The following CSMD1 variants were observed in gnomAD, a reference collection of about 807,000 sequenced individuals.
CSMD1 encodes the protein CUB and Sushi multiple domains 1, also known as CUB and sushi domain-containing protein 1.
In CSMD1, 213 loss-of-function variants were observed where a neutral mutation model predicts 417.5. The observed-to-expected ratio is 0.51, with a 90% CI of 0.46 to 0.57. The LOEUF (loss-of-function observed/expected upper bound fraction) is 0.57. Ranked by LOEUF, CSMD1 falls within the 20% of genes least tolerant of loss-of-function variation. The pLI is 0.00. For missense variants in CSMD1, 6,923 were observed against 4,529.7 expected, an observed-to-expected ratio of 1.53 and a Z score of -15.17; for synonymous variants, 2,862 against 1,736.8, an observed-to-expected ratio of 1.65 and a Z score of -16.11.
At chr8:4,625,865 A>G (rs1304780171) in intron 2 of CSMD1, among the ~76,000 whole-genome samples, 3 of 152,066 alleles carry the variant, frequency 2.0e-5, no homozygotes, top group African/African-American at 7.2e-5. Flanking sequence ...CAGGGACTAC[A>G]GGTACACACC....
intron 12 of CSMD1, among the ~76,000 whole-genome samples, chr8:3,448,673 T>C (rs1815492408): frequency 6.6e-6 from 1 of 152,066 alleles, no homozygotes; most frequent in African/African-American, 2.4e-5. Flanking sequence ...CAAGTGGGCA[T>C]GACCCATGAC....
chr8:4,215,173 G>A (rs1800566730), intron 3 of CSMD1, among the ~76,000 whole-genome samples: 1 of 152,178 alleles, frequency 6.6e-6, no homozygotes, highest in Admixed American at 6.5e-5. Flanking sequence ...GGGCTGATAG[G>A]GACCTTGTGT....
At chr8:4,844,760 T>C (rs7829048) in intron 1 of CSMD1, among the ~76,000 whole-genome samples, 35,729 of 152,152 alleles carry the variant, frequency 0.23, 5,337 homozygotes, top group African/African-American at 0.43. Flanking sequence ...AGTGATAAGC[T>C]TAATTAATTC....
intron 3 of CSMD1, among the ~76,000 whole-genome samples, chr8:4,181,279 T>C (rs1015210970): frequency 7.2e-5 from 11 of 152,208 alleles, no homozygotes; most frequent in African/African-American, 2.7e-4. Flanking sequence ...CATCTGAATT[T>C]GATATTTATT....
chr8:3,096,880 T>C lies in CSMD1; in HGVS notation c.7107A>G (p.Glu2369=), dbSNP rs773897066. ...ITIFVDTFQS[E]KQFDALEVFD... ...ACACTTCCAGTGCATCAAACTGCTT[T>C]TCACTTTGAAATGTGTCCACAAAGA... Residue 2369 remains glutamate (E), a synonymous_variant, in exon 47 of 70, where the codon GAA becomes GAG. Transcript: ENST00000635120. 1.3e-6 allele frequency: 2 copies of C among 1,556,854 alleles called. No individual in the cohort carries two copies. The highest frequency in any genetic ancestry group is 1.7e-6 in the Non-Finnish European group (2 of 1,149,052).
intron 2 of CSMD1, among the ~76,000 whole-genome samples, chr8:4,553,897 C>CA (rs1209315962): frequency 1.3e-5 from 2 of 150,876 alleles, no homozygotes; most frequent in East Asian, 1.9e-4. Context: ...AAAACAAGCA[C>CA]AAAAAATCTG....
intron 8 of CSMD1, among the ~76,000 whole-genome samples, chr8:3,599,560 T>C (rs1444565305): frequency 1.3e-5 from 2 of 152,244 alleles, no homozygotes; most frequent in African/African-American, 2.4e-5. Flanking sequence ...ACAGCATTGC[T>C]AACCACAACA....
intron 3 of CSMD1, among the ~76,000 whole-genome samples, chr8:4,373,125 A>C (rs984880555): frequency 1.3e-5 from 2 of 152,156 alleles, no homozygotes; most frequent in African/African-American, 2.4e-5. Flanking sequence ...CATCATGAGA[A>C]AAACATCAGA....
chr8:4,124,969 T>C (rs958396961), intron 3 of CSMD1, among the ~76,000 whole-genome samples: 2 of 152,066 alleles, frequency 1.3e-5, no homozygotes, highest in Non-Finnish European at 2.9e-5. Flanking sequence ...TCTTGGAAGT[T>C]TTACTGTCGC....
chr8:4,452,249 C>T (rs920522938), intron 2 of CSMD1, among the ~76,000 whole-genome samples: 5 of 152,150 alleles, frequency 3.3e-5, no homozygotes, highest in South Asian at 2.1e-4. Context: ...CCAAACTGAA[C>T]GCCTCAGCTC....
intron 28 of CSMD1, among the ~76,000 whole-genome samples, chr8:3,220,546 A>G (rs1798146405): frequency 6.6e-6 from 1 of 152,180 alleles, no homozygotes; most frequent in South Asian, 2.1e-4. Flanking sequence ...AAAACCATCC[A>G]TTGCAGCAGA....
chr8:4,772,113 G>A (rs540198302), intron 1 of CSMD1, among the ~76,000 whole-genome samples: 78 of 152,290 alleles, frequency 5.1e-4, no homozygotes, highest in African/African-American at 1.8e-3. Flanking sequence ...GGCTTCCAGG[G>A]TCATTTGGGT....
At chr8:4,332,708 G>T (rs1178980699) in intron 3 of CSMD1, among the ~76,000 whole-genome samples, 4 of 151,828 alleles carry the variant, frequency 2.6e-5, no homozygotes, top group African/African-American at 9.7e-5. Flanking sequence ...ACATGAAAAA[G>T]TATTAAGTAC....
At chr8:4,837,289 C>T (rs930470697) in intron 1 of CSMD1, among the ~76,000 whole-genome samples, 5 of 152,178 alleles carry the variant, frequency 3.3e-5, no homozygotes, top group Non-Finnish European at 5.9e-5. Context: ...AAGAGATAAT[C>T]TGCACTTCTA....
chr8:4,946,125 G>A (rs539891316), intron 1 of CSMD1, among the ~76,000 whole-genome samples: 3 of 152,114 alleles, frequency 2.0e-5, no homozygotes, highest in East Asian at 3.9e-4. Flanking sequence ...GAGTCCAATC[G>A]GGTTACAGGG....
At chr8:4,268,686 A>G (rs758642656) in intron 3 of CSMD1, among the ~76,000 whole-genome samples, 1 of 152,126 alleles carries the variant, frequency 6.6e-6, no homozygotes, top group Non-Finnish European at 1.5e-5. Context: ...AGGAAGATAT[A>G]TGTGTATCTC....
intron 8 of CSMD1, among the ~76,000 whole-genome samples, chr8:3,612,048 T>A (rs1347614090): frequency 6.6e-6 from 1 of 152,118 alleles, no homozygotes; most frequent in Non-Finnish European, 1.5e-5. Context: ...ACTGGATTTT[T>A]AAAAATATTT....
At chr8:4,354,958 A>C (rs1321584176) in intron 3 of CSMD1, among the ~76,000 whole-genome samples, 1 of 151,388 alleles carries the variant, frequency 6.6e-6, no homozygotes, top group Non-Finnish European at 1.5e-5. Flanking sequence ...AATTCCACCC[A>C]AACCCATGTT....
rs189631458 is a variant in CSMD1 at position 3,055,965 on chromosome 8, C to T, written c.7475-3318G>A. 8.0e-4 allele frequency among the ~76,000 whole-genome samples: 121 copies of T among 152,174 alleles called. 1 individual carries two copies. Among genetic ancestry groups the T allele is most frequent in the African/African-American group, 2.7e-3 (114 of 41,534 alleles). ...GAAATCATCCTTACAAAATGCGAGC[C>T]CTCTGTCCACACGACATAGGCATTC... On this transcript the variant is annotated intron_variant, in intron 49 of 69. Transcript: ENST00000635120.
Sources: gnomAD v4.1 joint callset for allele counts (sites outside exome capture counted in the v4.1 genomes callset) on GRCh38, gnomAD v4.1.1 for gene constraint, MANE v1.5 for transcripts, NCBI Gene and HGNC (gene_info 2026-07-23, HGNC 2026-07-21) for gene names.